Variants in SHLD1 observed in about 807,000 individuals in gnomAD.
SHLD1 encodes RINN1-REV7-interacting novel NHEJ regulator 3.
A neutral mutation model predicts 5.5 loss-of-function variants in SHLD1; 3 were observed. That is an observed-to-expected ratio of 0.54 (90% confidence interval 0.25 to 1.40). SHLD1 has a LOEUF of 1.40. SHLD1 is among the 40% of genes most tolerant of loss of function. SHLD1 has a pLI of 0.15. For missense variants in SHLD1, 210 were observed against 244.4 expected, an observed-to-expected ratio of 0.86 and a Z score of 0.94; for synonymous variants, 92 against 94.3, an observed-to-expected ratio of 0.98 and a Z score of 0.14.
At chr20:5,808,462 A>G (rs2087413940) in intron 2 of SHLD1, among the ~76,000 whole-genome samples, 2 of 152,186 alleles carry the variant, frequency 1.3e-5, no homozygotes, top group Admixed American at 6.5e-5. Flanking sequence ...CTAAATACCA[A>G]TGGAATTTTA....
At chr20:5,814,541 A>G (rs900368111) in intron 2 of SHLD1, among the ~76,000 whole-genome samples, 56 of 152,274 alleles carry the variant, frequency 3.7e-4, no homozygotes, top group African/African-American at 1.3e-3. Context: ...CCAAAGTTGA[A>G]AAAGATGAAT....
At chr20:5,751,655 G>A (rs1026825680) in intron 1 of SHLD1, among the ~76,000 whole-genome samples, 1 of 152,074 alleles carries the variant, frequency 6.6e-6, no homozygotes, top group Non-Finnish European at 1.5e-5. Flanking sequence ...TGTATCATGT[G>A]TCAGACTGTT....
rs1311867457 is a variant in SHLD1 at position 5,806,235 on chromosome 20, A to G, written c.178+33192A>G. Reference sequence around the variant, plus strand: ...ACAATAATATCTACCTGATGGGTGGACACATAGTAGCTGACATAAGTGAGA... The same window carrying G: ...ACAATAATATCTACCTGATGGGTGGGCACATAGTAGCTGACATAAGTGAGA... On this transcript the variant is annotated intron_variant, in intron 2 of 2. Transcript: ENST00000303142. This position sits in a 1 kb window ranked among gnomAD's most constrained non-coding sequence, Gnocchi z 7.6. Among the ~76,000 whole-genome samples the G allele has an allele frequency of 1.3e-5, 2 of 152,194 alleles. No homozygotes were observed. The highest frequency in any genetic ancestry group is 6.5e-5 in the Admixed American group (1 of 15,280).
chr20:5,750,661 A>G (rs1460873731), intron 1 of SHLD1, among the ~76,000 whole-genome samples, 182 bp downstream of exon 1: 1 of 151,564 alleles, frequency 6.6e-6, no homozygotes, highest in African/African-American at 2.4e-5. Context: ...GCTTTGGGGA[A>G]TTTTGGGAAT....
At chr20:5,764,673 T>C (rs1984725713) in intron 1 of SHLD1, among the ~76,000 whole-genome samples, 2 of 152,118 alleles carry the variant, frequency 1.3e-5, no homozygotes, top group South Asian at 2.1e-4. Flanking sequence ...CACTCCAGCC[T>C]GGGCATCAGA....
chr20:5,788,507 C>T (rs142799246), intron 2 of SHLD1, among the ~76,000 whole-genome samples: 4 of 152,260 alleles, frequency 2.6e-5, no homozygotes, highest in East Asian at 1.9e-4. Context: ...TGGTGCCTGG[C>T]GAGTTCTTGC....
At chr20:5,854,539 A>G (rs929432745) in intron 2 of SHLD1, among the ~76,000 whole-genome samples, 2 of 152,196 alleles carry the variant, frequency 1.3e-5, no homozygotes, top group Non-Finnish European at 2.9e-5. Flanking sequence ...ACAGAAACCC[A>G]AGAAAGGCAA....
intron 2 of SHLD1, among the ~76,000 whole-genome samples, chr20:5,844,795 A>ATTTTT (rs1258738443): frequency 3.8e-5 from 4 of 105,048 alleles, no homozygotes; most frequent in East Asian, 3.2e-4. Context: ...ATATATATAT[A>ATTTTT]TATATTTTTT....
chr20:5,778,562 G>A (rs1375547884), intron 2 of SHLD1, among the ~76,000 whole-genome samples: 2 of 148,686 alleles, frequency 1.3e-5, no homozygotes, highest in Non-Finnish European at 3.0e-5. Flanking sequence ...AGCCATGATC[G>A]TGCTACTGCA....
intron 2 of SHLD1, among the ~76,000 whole-genome samples, chr20:5,810,815 G>A (rs557467084): frequency 6.7e-6 from 1 of 150,008 alleles, no homozygotes; most frequent in African/African-American, 2.4e-5. Flanking sequence ...CAGGAGAATC[G>A]CTTGAACCCA....
Position 5,792,408 on chromosome 20 carries a change from TTTTG to T in SHLD1, c.178+19381_178+19384del, listed in dbSNP as rs563264658. ...GGTTTTGAGTTTGTTCTTTTTATCT[TTTTG>T]TTTGTTTGTTTGTTTTTGTTTTTTT... On this transcript the variant is annotated intron_variant, in intron 2 of 2. Transcript: ENST00000303142. Among the ~76,000 whole-genome samples the T allele has an allele frequency of 5.9e-5, 9 of 152,212 alleles. No individual in the cohort carries two copies. In the South Asian group the frequency reaches 8.3e-4, roughly 14 times the overall value.
intron 1 of SHLD1, among the ~76,000 whole-genome samples, chr20:5,758,543 C>G (rs553681684): frequency 6.6e-6 from 1 of 151,624 alleles, no homozygotes; most frequent in Non-Finnish European, 1.5e-5. Flanking sequence ...CTCAGCCTTC[C>G]GAGTAGCTGG....
At position 5,783,885 on chromosome 20, in the gene SHLD1, C is replaced by T. The variant is rs574131084; in HGVS notation, c.178+10842C>T. On this transcript the variant is annotated intron_variant, in intron 2 of 2. Coordinates refer to ENST00000303142, the MANE Select transcript of SHLD1 (RefSeq NM_152504.4). ...ACCACTAAGCGGCCGGGTGCGGTGG[C>T]TCACGCCTGTAATCCCAGCACTTTG... Among the ~76,000 whole-genome samples the T allele has an allele frequency of 1.1e-3, 161 of 152,208 alleles. 3 individuals are homozygous for T. Among genetic ancestry groups the T allele is most frequent in the African/African-American group, 3.8e-3 (158 of 41,558 alleles).
intron 2 of SHLD1, among the ~76,000 whole-genome samples, chr20:5,829,410 ATGAAGCTTAT>A (rs527709693): frequency 1.2e-3 from 176 of 152,324 alleles, no homozygotes; most frequent in South Asian, 1.9e-3. Flanking sequence ...CAGAGCTCTT[ATGAAGCTTAT>A]ATACTGGAGA....
chr20:5,826,733 G>A (rs749537523), intron 2 of SHLD1, among the ~76,000 whole-genome samples: 3 of 152,038 alleles, frequency 2.0e-5, no homozygotes, highest in Non-Finnish European at 4.4e-5. Flanking sequence ...TGTTGACCAA[G>A]TCACTTGGCC....
chr20:5,841,872 G>A (rs1327577055), intron 2 of SHLD1, among the ~76,000 whole-genome samples: 1 of 152,232 alleles, frequency 6.6e-6, no homozygotes, highest in Non-Finnish European at 1.5e-5. Context: ...ACACTCAGTA[G>A]TGCAATGCAG....
intron 2 of SHLD1, among the ~76,000 whole-genome samples, chr20:5,853,397 G>A (rs2088037370): frequency 6.6e-6 from 1 of 152,132 alleles, no homozygotes; most frequent in African/African-American, 2.4e-5. Context: ...AGTCAGCCAA[G>A]ATCGCGCCAC....
chr20:5,791,343 G>T (rs896625487), intron 2 of SHLD1, among the ~76,000 whole-genome samples: 1 of 151,898 alleles, frequency 6.6e-6, no homozygotes, highest in Non-Finnish European at 1.5e-5. Context: ...GGCAGTAGAT[G>T]GCTTGAGCCC....
At position 5,783,873 on chromosome 20, in the gene SHLD1, C is replaced by T. The variant is rs534542819; in HGVS notation, c.178+10830C>T. Among the ~76,000 whole-genome samples the T allele has an allele frequency of 6.6e-5, 10 of 152,068 alleles. No individual in the cohort carries two copies. In the East Asian group the frequency reaches 9.7e-4, roughly 15 times the overall value. On this transcript the variant is annotated intron_variant, in intron 2 of 2. Transcript: ENST00000303142. ...AGGAGTTCGAAAACCACTAAGCGGCCGGGTGCGGTGGCTCACGCCTGTAAT... is the reference window on the plus strand; with the variant it reads ...AGGAGTTCGAAAACCACTAAGCGGCTGGGTGCGGTGGCTCACGCCTGTAAT...
Sources: gnomAD v4.1 joint callset for allele counts (sites outside exome capture counted in the v4.1 genomes callset) on GRCh38, gnomAD v4.1.1 for gene constraint, Gnocchi (gnomAD v3.1) non-coding constraint, MANE v1.5 for transcripts, NCBI Gene and HGNC (gene_info 2026-07-23, HGNC 2026-07-21) for gene names.